PPP2R2B: variants seen among roughly 807,000 people sequenced by gnomAD.
PPP2R2B encodes the protein serine/threonine-protein phosphatase 2A 55 kDa regulatory subunit B beta isoform.
In PPP2R2B, 5 loss-of-function variants were observed where a neutral mutation model predicts 46.0. The ratio of observed to expected loss-of-function variants is 0.11; its 90% confidence interval spans 0.06 to 0.23. PPP2R2B has a LOEUF of 0.23. PPP2R2B is among the 10% of genes least tolerant of loss of function. The pLI is 1.00. For missense variants in PPP2R2B, 367 were observed against 575.0 expected (o/e 0.64, Z 3.70); for synonymous variants, 215 against 206.7 (o/e 1.04, Z -0.34).
intron 1 of PPP2R2B, among the ~76,000 whole-genome samples, chr5:146,968,867 T>A (rs1173097077): frequency 6.6e-6 from 1 of 152,258 alleles, no homozygotes; most frequent in East Asian, 1.9e-4. Flanking sequence ...TAGATTATAG[T>A]ACAATCTAGT....
rs141597780 is a variant in PPP2R2B at position 146,891,427 on chromosome 5, T to C, written c.79+164238A>G. 1.3e-3 allele frequency among the ~76,000 whole-genome samples: 195 copies of C among 152,374 alleles called. 1 individual carries two copies. Among genetic ancestry groups the C allele is most frequent in the African/African-American group, 4.5e-3 (189 of 41,588 alleles). On this transcript the variant is annotated intron_variant, in intron 1 of 8. Transcript: ENST00000336640. ...TTTGTGAACACTGTCATTGTCTACA[T>C]GGATGCTAGATTTATTCACTTGTGT...
chr5:146,861,239 G>A (rs1211918181), intron 2 of PPP2R2B, among the ~76,000 whole-genome samples: 2 of 151,748 alleles, frequency 1.3e-5, no homozygotes, highest in Non-Finnish European at 2.9e-5. Context: ...TGTATTTTTT[G>A]TGGAGACAGG....
intron 7 of PPP2R2B, among the ~76,000 whole-genome samples, chr5:146,602,423 A>G (rs1318139220): frequency 6.6e-6 from 1 of 152,188 alleles, no homozygotes; most frequent in East Asian, 1.9e-4. Context: ...TATTCAGCTG[A>G]AACATATGCA....
intron 2 of PPP2R2B, among the ~76,000 whole-genome samples, chr5:146,831,012 G>A (rs754437454): frequency 2.0e-5 from 3 of 152,020 alleles, no homozygotes; most frequent in African/African-American, 7.2e-5. Flanking sequence ...GGTGTTTGTG[G>A]TGATGGTGGT....
chr5:146,682,553 T>G (rs1778247411), intron 5 of PPP2R2B, among the ~76,000 whole-genome samples: 1 of 152,094 alleles, frequency 6.6e-6, no homozygotes, highest in Admixed American at 6.6e-5. Context: ...TCACTATAGC[T>G]CTCTAGATCA....
At chr5:147,036,579 A>C (rs140475398) in intron 1 of PPP2R2B, among the ~76,000 whole-genome samples, 2,574 of 152,286 alleles carry the variant, frequency 0.017, 81 homozygotes, top group African/African-American at 0.058. Context: ...TAAGACTTTG[A>C]GGAATTGCCA....
At chr5:146,653,430 G>C (rs1388160026) in intron 5 of PPP2R2B, among the ~76,000 whole-genome samples, 2 of 152,164 alleles carry the variant, frequency 1.3e-5, no homozygotes, top group Non-Finnish European at 1.5e-5. Flanking sequence ...TTTCAGAAAT[G>C]TGTGCCATGC....
At position 146,720,313 on chromosome 5, in the gene PPP2R2B, C is replaced by G. The variant is rs77941936; in HGVS notation, c.71-19171G>C. Among the ~76,000 whole-genome samples the G allele has an allele frequency of 2.3e-3, 344 of 152,328 alleles. 1 individual carries two copies. The highest frequency in any genetic ancestry group is 8.0e-3 in the African/African-American group (331 of 41,576). On this transcript the variant is annotated intron_variant, in intron 2 of 9. Transcript: ENST00000394411. ...AATCACAACTAAGGGCTGGCCTAAC[C>G]AGTAAGCTGAGCACATCCTTGGAGG... is the stretch of plus-strand genomic sequence containing the variant.
At chr5:146,802,717 C>T (rs1039996512) in intron 2 of PPP2R2B, among the ~76,000 whole-genome samples, 2 of 152,128 alleles carry the variant, frequency 1.3e-5, no homozygotes, top group Non-Finnish European at 2.9e-5. Flanking sequence ...AGTTTTTCCT[C>T]AGCTTGGACA....
At chr5:146,872,041 T>TA (rs1396573955) in intron 2 of PPP2R2B, among the ~76,000 whole-genome samples, 3 of 152,176 alleles carry the variant, frequency 2.0e-5, no homozygotes, top group Admixed American at 2.0e-4. Context: ...TATTTCTTCT[T>TA]AAATGCAAAC....
chr5:146,742,743 A>G (rs1752952538), intron 2 of PPP2R2B, among the ~76,000 whole-genome samples: 1 of 152,206 alleles, frequency 6.6e-6, no homozygotes, highest in African/African-American at 2.4e-5. Context: ...AATAAGAGTC[A>G]TTGCAGAAGT....
chr5:146,621,327 G>T (rs1303152634), intron 7 of PPP2R2B, among the ~76,000 whole-genome samples: 4 of 152,244 alleles, frequency 2.6e-5, no homozygotes, highest in African/African-American at 9.6e-5. Flanking sequence ...AAGAAATGAT[G>T]CTCAGAGAGT....
intron 5 of PPP2R2B, among the ~76,000 whole-genome samples, chr5:146,676,059 C>A (rs889185976): frequency 6.6e-6 from 1 of 151,972 alleles, no homozygotes; most frequent in Non-Finnish European, 1.5e-5. Flanking sequence ...TGGAGAAACC[C>A]GGTGGAGGCC....
chr5:146,594,068 T>C (rs1369840546), intron 8 of PPP2R2B, among the ~76,000 whole-genome samples: 1 of 152,150 alleles, frequency 6.6e-6, no homozygotes, highest in African/African-American at 2.4e-5. Context: ...CTCCCTGATC[T>C]TTCTCCTGAG....
upstream of PPP2R2B, chr5:147,056,097 T>C (rs541144654): frequency 2.8e-6 from 3 of 1,062,804 alleles, no homozygotes; most frequent in South Asian, 1.1e-4. Flanking sequence ...TTTTCCCGTG[T>C]GGTGAGTTTC....
intron 8 of PPP2R2B, among the ~76,000 whole-genome samples, chr5:146,594,905 C>T (rs1049520404): frequency 2.0e-5 from 3 of 152,116 alleles, no homozygotes; most frequent in African/African-American, 4.8e-5. Flanking sequence ...TCTCTTTTTT[C>T]CTGCAACTGC....
chr5:146,620,916 C>T (rs992469215), intron 7 of PPP2R2B, among the ~76,000 whole-genome samples: 2 of 152,228 alleles, frequency 1.3e-5, no homozygotes, highest in African/African-American at 2.4e-5. Context: ...TGCCATGGCA[C>T]CGCAGAGGCC....
At chr5:146,929,613 T>C (rs1043123634) in intron 1 of PPP2R2B, among the ~76,000 whole-genome samples, 1 of 152,116 alleles carries the variant, frequency 6.6e-6, no homozygotes, top group South Asian at 2.1e-4. Context: ...ATAGTAAAAG[T>C]TATGAGAAGT....
At position 146,592,956 on chromosome 5, in the gene PPP2R2B, C is replaced by T. The variant is rs1770805303; in HGVS notation, c.1052+15G>A. ...CAATCTTTGGAAGGTTCTTCAGCCA[C>T]AGAGCCTTTCTTACCTGTCTGACCC... is the stretch of plus-strand genomic sequence containing the variant. On this transcript the variant is annotated intron_variant, in intron 9 of 9. Transcript: ENST00000394411. 2 of 1,591,630 alleles carry T rather than the reference C, an allele frequency of 1.3e-6. No homozygotes were observed. Among genetic ancestry groups the T allele is most frequent in the Middle Eastern group, 1.7e-4 (1 of 6,028 alleles).
Sources: allele counts gnomAD v4.1 joint callset (sites outside exome capture counted in the v4.1 genomes callset), GRCh38; gene constraint gnomAD v4.1.1; transcripts MANE v1.5; gene names NCBI Gene and HGNC (gene_info 2026-07-23, HGNC 2026-07-21).